JADE1: variants seen among roughly 807,000 people sequenced by gnomAD.
JADE1 encodes the protein jade family PHD finger 1.
In JADE1, 14 loss-of-function variants were observed where a neutral mutation model predicts 81.8. The ratio of observed to expected loss-of-function variants is 0.17; its 90% CI spans 0.11 to 0.27. The LOEUF (loss-of-function observed/expected upper bound fraction) is 0.27, where lower values mean the gene tolerates loss of function less well. Among genes scored for constraint, JADE1 ranks in the 10% least tolerant of loss-of-function variants. The probability of loss-of-function intolerance (pLI) is 1.00; values close to 1 mark genes in which losing one functional copy is unlikely to be tolerated. For synonymous variants in JADE1, 353 were observed against 391.9 expected (o/e 0.90, Z 1.17); for missense variants, 690 against 1,047.9 (o/e 0.66, Z 4.71).
intron 9 of JADE1, chr4:128,863,817 T>C (rs1185741882): frequency 1.0e-6 from 1 of 985,394 alleles, no homozygotes. Context: ...GTAATTGGGG[T>C]GCATGAGCTA....
chr4:128,827,803 A>G (rs1180871652), intron 1 of JADE1: 1 of 898,674 alleles, frequency 1.1e-6, no homozygotes, highest in Non-Finnish European at 1.3e-6. Flanking sequence ...GACTTCAGAG[A>G]GTCATAACAT....
intron 1 of JADE1, among the ~76,000 whole-genome samples, chr4:128,811,671 G>T (rs1300975104): frequency 6.1e-5 from 9 of 147,002 alleles, no homozygotes; most frequent in Non-Finnish European, 1.4e-4. Context: ...CGCCCGGCCC[G>T]CCGCGCCCGC....
At chr4:128,822,183 A>G (rs532676626) in intron 1 of JADE1, among the ~76,000 whole-genome samples, 23 of 152,260 alleles carry the variant, frequency 1.5e-4, no homozygotes, top group African/African-American at 4.6e-4. Flanking sequence ...GGTCTTTTAT[A>G]TAGTGAAGAG....
rs371329707 is a variant in JADE1 at position 128,852,121 on chromosome 4, C to T, written c.549C>T (p.Tyr183=). 55 of 1,613,878 alleles carry T rather than the reference C, an allele frequency of 3.4e-5. No individual in the cohort carries two copies. The highest frequency in any genetic ancestry group is 1.1e-4 in the African/African-American group (8 of 74,894). ...RVLEEFEQRC[Y]DNMNHAIETE... is the part of the protein sequence containing the mutation. The stretch of plus-strand genomic sequence containing the variant: ...TAGAGGAATTTGAGCAGCGATGCTA[C>T]GACAATATGAATCATGCCATAGAGA... Residue 183 remains tyrosine, a synonymous_variant, in exon 6 of 11, where the codon TAC becomes TAT. Transcript: ENST00000226319.
Position 128,861,899 on chromosome 4 carries a change from C to T in JADE1, c.1177C>T (p.Pro393Ser). 1 of 1,614,066 alleles carries T rather than the reference C, an allele frequency of 6.2e-7. No individual in the cohort carries two copies. Among genetic ancestry groups the T allele is most frequent in the Non-Finnish European group, 8.5e-7 (1 of 1,179,950 alleles). ...AQENGAPECS[P>S]RNPLEPFASL... The stretch of plus-strand genomic sequence containing the variant: ...GGAGAATGGGGCCCCTGAGTGTTCC[C>T]CCCGGAATCCGCTGGAGCCCTTTGC... Residue 393 changes from proline (P) to serine (S), a missense_variant, in exon 9 of 11, where the codon CCC (proline) becomes TCC (serine). By Grantham distance (74) the Pro-to-Ser change is moderately conservative. Around this residue, in one of 8 missense-constraint regions of JADE1, gnomAD observed 77 missense variants for 76.4 expected, o/e 1.01. Transcript: ENST00000226319.
At chr4:128,859,171 AGT>A (rs1240910110) in intron 8 of JADE1, among the ~76,000 whole-genome samples, 3 of 151,600 alleles carry the variant, frequency 2.0e-5, no homozygotes, top group South Asian at 4.2e-4. Context: ...GATGAACTTG[AGT>A]GTGTGTGTGT....
intron 1 of JADE1, among the ~76,000 whole-genome samples, chr4:128,826,781 A>G (rs547223029): frequency 2.0e-5 from 3 of 152,288 alleles, no homozygotes; most frequent in Admixed American, 2.0e-4. Context: ...CACACACATG[A>G]AACATTTAAG....
intron 1 of JADE1, among the ~76,000 whole-genome samples, chr4:128,823,761 T>G (rs939070564): frequency 6.6e-6 from 1 of 152,220 alleles, no homozygotes; most frequent in Non-Finnish European, 1.5e-5. Flanking sequence ...TTAGTTAAAT[T>G]GAGAATCTGT....
intron 7 of JADE1, 141 bp downstream of exon 7, chr4:128,855,938 G>C: frequency 1.6e-6 from 1 of 616,808 alleles, no homozygotes; most frequent in Non-Finnish European, 2.6e-6. Flanking sequence ...TCCCACCTCA[G>C]CCTTTTGAGT....
chr4:128,811,912 C>T (rs1456321605), intron 1 of JADE1: 1 of 151,628 alleles, frequency 6.6e-6, no homozygotes, highest in African/African-American at 2.4e-5. Context: ...CGGAGCTCCT[C>T]GCCGCCGCTG....
chr4:128,842,278 A>C (rs1729496719), intron 2 of JADE1, among the ~76,000 whole-genome samples: 1 of 151,812 alleles, frequency 6.6e-6, no homozygotes, highest in African/African-American at 2.4e-5. Context: ...AAACTCAGTA[A>C]GATGTTTTTC....
At chr4:128,859,331 CTGTATGCA>C (rs954365334) in intron 8 of JADE1, among the ~76,000 whole-genome samples, 2 of 151,028 alleles carry the variant, frequency 1.3e-5, no homozygotes. Context: ...CATATGTATG[CTGTATGCA>C]TGTATGCGTA....
At chr4:128,862,955 G>T (rs1731480290) in intron 9 of JADE1, 2 of 986,320 alleles carry the variant, frequency 2.0e-6, no homozygotes, top group Admixed American at 6.1e-5. Context: ...GTGTGTCTGT[G>T]TGCGGGTATG....
At position 128,864,508 on chromosome 4, in the gene JADE1, G is replaced by A. The variant is rs138401496; in HGVS notation, c.1503+2283G>A. 3.2e-4 allele frequency: 313 copies of A among 985,328 alleles called. 2 individuals are homozygous for A. In the African/African-American group the frequency reaches 5.0e-3, roughly 16 times the overall value. 61.0% of individuals were successfully genotyped at this position (985,328 alleles called of 1,614,324 possible). On this transcript the variant is annotated intron_variant, in intron 9 of 10. Coordinates refer to ENST00000226319, the MANE Select transcript of JADE1 (RefSeq NM_199320.4). ...CTACCCAAAATTTGCCATGATGCCT[G>A]TGATGGTGAAGGCATTAAACAATTG... is the stretch of plus-strand genomic sequence containing the variant.
chr4:128,824,187 G>A (rs1029184415), intron 1 of JADE1, among the ~76,000 whole-genome samples: 2 of 152,126 alleles, frequency 1.3e-5, no homozygotes, highest in African/African-American at 4.8e-5. Flanking sequence ...GGGAGGCCGA[G>A]GCGGGCGGAT....
chr4:128,834,571 G>T (rs1284014679), intron 2 of JADE1, among the ~76,000 whole-genome samples: 2 of 115,162 alleles, frequency 1.7e-5, no homozygotes, highest in Non-Finnish European at 3.3e-5. Flanking sequence ...TCTTTGCTCT[G>T]TCGCCCAGGC....
At chr4:128,866,216 T>C (rs1731768932) in intron 9 of JADE1, among the ~76,000 whole-genome samples, 1 of 152,254 alleles carries the variant, frequency 6.6e-6, no homozygotes, top group African/African-American at 2.4e-5. Flanking sequence ...ACTAGGCTGA[T>C]TGACATCCAT....
At chr4:128,852,858 C>T (rs552683555) in intron 6 of JADE1, among the ~76,000 whole-genome samples, 2 of 151,736 alleles carry the variant, frequency 1.3e-5, no homozygotes, top group East Asian at 1.9e-4. Flanking sequence ...TTCCTTGGCT[C>T]GCGGCTGCCT....
chr4:128,822,503 A>G (rs1462807376), intron 1 of JADE1, among the ~76,000 whole-genome samples: 1 of 151,932 alleles, frequency 6.6e-6, no homozygotes, highest in African/African-American at 2.4e-5. Context: ...ACCTGAGGTC[A>G]GAGTTCGAGA....
Sources: gnomAD v4.1 joint callset for allele counts (sites outside exome capture counted in the v4.1 genomes callset) on GRCh38, gnomAD v4.1.1 for gene constraint, gnomAD v4.1.1 regional missense constraint, MANE v1.5 for transcripts, NCBI Gene and HGNC (gene_info 2026-07-23, HGNC 2026-07-21) for gene names.